The following KCNQ5 variants were observed in gnomAD, a reference collection of about 807,000 sequenced individuals.
KCNQ5 encodes the protein potassium voltage-gated channel subfamily KQT member 5.
Under a neutral mutation model 98.2 loss-of-function variants are expected in KCNQ5, and 30 were observed. That is an observed-to-expected ratio of 0.31 (90% CI 0.23 to 0.41). KCNQ5 has a LOEUF of 0.41. KCNQ5 is among the 10% of genes least tolerant of loss of function. The probability of loss-of-function intolerance (pLI) is 1.00; values close to 1 mark genes in which losing one functional copy is unlikely to be tolerated. For missense variants in KCNQ5, 835 were observed against 1,182.5 expected (o/e 0.71, Z 4.31); for synonymous variants, 458 against 449.4 (o/e 1.02, Z -0.24).
intron 1 of KCNQ5, among the ~76,000 whole-genome samples, chr6:72,980,623 C>A (rs572343093): frequency 3.3e-5 from 5 of 152,048 alleles, no homozygotes; most frequent in Admixed American, 2.6e-4. Context: ...CTACAAACAG[C>A]GACAATTTGA....
chr6:72,971,541 G>A (rs1477393804), intron 1 of KCNQ5, among the ~76,000 whole-genome samples: 2 of 152,154 alleles, frequency 1.3e-5, no homozygotes, highest in Non-Finnish European at 2.9e-5. Flanking sequence ...AAAGACACAT[G>A]CACACGTATG....
intron 1 of KCNQ5, among the ~76,000 whole-genome samples, chr6:72,851,577 GC>G (rs1777260373): frequency 6.6e-6 from 1 of 151,918 alleles, no homozygotes; most frequent in Non-Finnish European, 1.5e-5. Flanking sequence ...TCTGAAGAAG[GC>G]ATGTAGAAGG....
At chr6:72,958,140 A>G (rs1767175281) in intron 1 of KCNQ5, among the ~76,000 whole-genome samples, 1 of 152,066 alleles carries the variant, frequency 6.6e-6, no homozygotes, top group Non-Finnish European at 1.5e-5. Flanking sequence ...CTCATGTTAC[A>G]TGGAAAGGGT....
intron 1 of KCNQ5, among the ~76,000 whole-genome samples, chr6:72,840,414 A>G (rs1322045701): frequency 6.6e-6 from 1 of 152,174 alleles, no homozygotes; most frequent in Non-Finnish European, 1.5e-5. Flanking sequence ...CGGAATTTAT[A>G]CACAAAACTT....
chr6:73,068,194 G>T (rs1010525388), intron 3 of KCNQ5, among the ~76,000 whole-genome samples: 1 of 152,106 alleles, frequency 6.6e-6, no homozygotes, highest in African/African-American at 2.4e-5. Context: ...TACTGGGGAG[G>T]CTGAGGCAGG....
chr6:72,849,266 T>C (rs1462375606), intron 1 of KCNQ5, among the ~76,000 whole-genome samples: 2 of 152,186 alleles, frequency 1.3e-5, no homozygotes, highest in African/African-American at 4.8e-5. Context: ...GCAGGTATCT[T>C]TTTGCTATCA....
At chr6:73,087,303 T>TG (rs902490814) in intron 5 of KCNQ5, among the ~76,000 whole-genome samples, 1 of 151,992 alleles carries the variant, frequency 6.6e-6, no homozygotes, top group African/African-American at 2.4e-5. Flanking sequence ...ATAGATTCCG[T>TG]GGGGGGAGTG....
chr6:72,850,310 G>T (rs1052051342), intron 1 of KCNQ5, among the ~76,000 whole-genome samples: 5 of 152,164 alleles, frequency 3.3e-5, no homozygotes, highest in African/African-American at 1.2e-4. Flanking sequence ...ATCTGAGATG[G>T]CTTGCACAGT....
At chr6:72,897,100 G>A (rs145802787) in intron 1 of KCNQ5, among the ~76,000 whole-genome samples, 84 of 152,220 alleles carry the variant, frequency 5.5e-4, no homozygotes, top group African/African-American at 1.9e-3. Flanking sequence ...TTTGGGTAAC[G>A]ATGGGAAGAG....
At chr6:72,704,637 T>TA (rs75954842) in intron 1 of KCNQ5, among the ~76,000 whole-genome samples, 68,989 of 150,172 alleles carry the variant, frequency 0.46, 17,550 homozygotes, top group African/African-American at 0.69. Context: ...TTATAAATGA[T>TA]AAAAAAAAAA....
chr6:72,648,625 T>C (rs566694884), intron 1 of KCNQ5, among the ~76,000 whole-genome samples: 22 of 152,108 alleles, frequency 1.4e-4, no homozygotes, highest in Middle Eastern at 3.4e-3. Context: ...GATACTAGGA[T>C]AGCTTTTAAA....
At chr6:73,124,915 C>T (rs1184096840) in intron 9 of KCNQ5, among the ~76,000 whole-genome samples, 1 of 138,186 alleles carries the variant, frequency 7.2e-6, no homozygotes, top group Non-Finnish European at 1.6e-5. Flanking sequence ...CTCCCCTTCA[C>T]TAGGGTCCTT....
At position 73,004,086 on chromosome 6, in the gene KCNQ5, AT is replaced by A. The variant is rs1230710949; in HGVS notation, c.489+89del. 6.4e-5 allele frequency: 47 copies of A among 730,978 alleles called. No homozygotes were observed. In the East Asian group the frequency reaches 1.2e-3, roughly 18 times the overall value. The allele number at this position is 730,978 out of a possible 1,614,324, so 45.3% of individuals were successfully genotyped here. A position where few individuals can be genotyped will look rare whatever the true frequency, so the allele number is the denominator to read the frequency against. On this transcript the variant is annotated intron_variant, in intron 2 of 13. Coordinates refer to ENST00000370398, the MANE Select transcript of KCNQ5 (RefSeq NM_019842.4). ...ACTATGCATCTTATCCTACAAAAAA[AT>A]CCTATCTAAAAAAGAGTTACTGAGA...
chr6:72,871,507 C>G (rs993255783), intron 1 of KCNQ5, among the ~76,000 whole-genome samples: 1 of 152,028 alleles, frequency 6.6e-6, no homozygotes, highest in Non-Finnish European at 1.5e-5. Flanking sequence ...GAATCAATCA[C>G]TAAAGAAATA....
chr6:72,918,305 T>A (rs1424006287), intron 1 of KCNQ5, among the ~76,000 whole-genome samples: 2 of 152,158 alleles, frequency 1.3e-5, no homozygotes, highest in Non-Finnish European at 2.9e-5. Context: ...GGGACCCCTG[T>A]TTTTCACTAA....
At chr6:72,698,350 T>C (rs925461529) in intron 1 of KCNQ5, among the ~76,000 whole-genome samples, 6 of 152,028 alleles carry the variant, frequency 3.9e-5, no homozygotes, top group African/African-American at 1.4e-4. Flanking sequence ...ATTACAGGCG[T>C]GTGCCACCAC....
chr6:72,766,336 C>T (rs1349344704), intron 1 of KCNQ5, among the ~76,000 whole-genome samples: 1 of 151,928 alleles, frequency 6.6e-6, no homozygotes, highest in Non-Finnish European at 1.5e-5. Context: ...GCTGGGTAGA[C>T]CATAACACGG....
At chr6:72,855,518 G>T (rs1219286507) in intron 1 of KCNQ5, among the ~76,000 whole-genome samples, 1 of 152,158 alleles carries the variant, frequency 6.6e-6, no homozygotes, top group East Asian at 1.9e-4. Context: ...CATTATATTT[G>T]TAGACAAAGC....
intron 2 of KCNQ5, among the ~76,000 whole-genome samples, chr6:73,040,012 T>C (rs957303864): frequency 6.8e-6 from 1 of 146,804 alleles, no homozygotes; most frequent in African/African-American, 2.7e-5. Context: ...CTTGTCATTT[T>C]CCCCTCACCT....
Sources: gnomAD v4.1 joint callset for allele counts (sites outside exome capture counted in the v4.1 genomes callset) on GRCh38, gnomAD v4.1.1 for gene constraint, MANE v1.5 for transcripts, NCBI Gene and HGNC (gene_info 2026-07-23, HGNC 2026-07-21) for gene names.